The following GALNT18 variants were observed in gnomAD, a reference collection of about 807,000 sequenced individuals.
GALNT18 encodes the protein GalNAc-transferase 18.
Under a neutral mutation model 69.5 loss-of-function variants are expected in GALNT18, and 44 were observed. The observed-to-expected ratio is 0.63, with a 90% CI of 0.50 to 0.81. The LOEUF (loss-of-function observed/expected upper bound fraction) is 0.81, where lower values mean the gene tolerates loss of function less well. GALNT18 is among the 40% of genes least tolerant of loss of function. The probability of loss-of-function intolerance (pLI) is 0.00; values close to 1 mark genes in which losing one functional copy is unlikely to be tolerated. For missense variants in GALNT18, 715 were observed against 810.0 expected, an observed-to-expected ratio of 0.88 and a Z score of 1.42; for synonymous variants, 364 against 318.2, an observed-to-expected ratio of 1.14 and a Z score of -1.53.
At chr11:11,581,862 A>G (rs948854417) in intron 1 of GALNT18, among the ~76,000 whole-genome samples, 19 of 152,178 alleles carry the variant, frequency 1.2e-4, no homozygotes, top group Admixed American at 5.9e-4. Flanking sequence ...TGAGACCCAC[A>G]GGTGACCAGC....
Position 11,523,711 on chromosome 11 carries a change from T to G in GALNT18, c.236-74775A>C, listed in dbSNP as rs1857453524. ...TCCAGCCTGGGCAACAGAGCGAGAC[T>G]CCATCTCAAAAAAAAAAAAAAATAT... On this transcript the variant is annotated intron_variant, in intron 1 of 10. Transcript: ENST00000227756. This position sits in a 1 kb window ranked among gnomAD's most constrained non-coding sequence, Gnocchi z 4.3. Among the ~76,000 whole-genome samples the G allele has an allele frequency of 6.9e-6, 1 of 144,436 alleles. No homozygotes were observed. 94.8% of individuals were successfully genotyped at this position (144,436 alleles called of 152,430 possible).
intron 6 of GALNT18, among the ~76,000 whole-genome samples, chr11:11,366,224 TTTTCTC>T (rs1445997412): frequency 2.0e-5 from 3 of 152,220 alleles, no homozygotes; most frequent in African/African-American, 7.2e-5. Context: ...AATAAATTTC[TTTTCTC>T]TTTAAGTTAG....
At chr11:11,464,364 C>A (rs931387500) in intron 1 of GALNT18, among the ~76,000 whole-genome samples, 22 of 152,346 alleles carry the variant, frequency 1.4e-4, no homozygotes, top group African/African-American at 5.0e-4. Flanking sequence ...AGAGGCCCTG[C>A]AGCCCTGAAG....
intron 1 of GALNT18, chr11:11,570,052 C>T (rs1184740183): frequency 1.3e-5 from 2 of 152,086 alleles, no homozygotes; most frequent in Admixed American, 6.5e-5. Context: ...CAAGCAGAGA[C>T]GTGAGGGAGC....
intron 1 of GALNT18, among the ~76,000 whole-genome samples, chr11:11,610,689 C>A (rs774945842): frequency 6.6e-6 from 1 of 152,180 alleles, no homozygotes; most frequent in Non-Finnish European, 1.5e-5. Flanking sequence ...ATAATTCCCA[C>A]GTTATACCTT....
intron 1 of GALNT18, among the ~76,000 whole-genome samples, chr11:11,506,122 G>A (rs1564983654): frequency 6.6e-6 from 1 of 152,154 alleles, no homozygotes; most frequent in Admixed American, 6.5e-5. Context: ...GAAGCTACCA[G>A]TGAAAATAAA....
Position 11,562,566 on chromosome 11 carries a change from C to A in GALNT18, c.235+58793G>T, listed in dbSNP as rs992713262. Among the ~76,000 whole-genome samples the A allele has an allele frequency of 2.0e-5, 3 of 152,140 alleles. No homozygotes were observed. The highest frequency in any genetic ancestry group is 6.5e-5 in the Admixed American group (1 of 15,278). ...GGCTTCAGGAGTTGTCCTAGCAACA[C>A]CCACCACCATCACCATCAAACCTGC... On this transcript the variant is annotated intron_variant, in intron 1 of 10. Coordinates refer to ENST00000227756, the MANE Select transcript of GALNT18 (RefSeq NM_198516.3). The surrounding 1 kb of genome is among the most constrained non-coding windows in gnomAD (Gnocchi z 4.1).
At chr11:11,599,665 T>G (rs1372105920) in intron 1 of GALNT18, among the ~76,000 whole-genome samples, 2 of 151,486 alleles carry the variant, frequency 1.3e-5, no homozygotes, top group African/African-American at 4.9e-5. Flanking sequence ...TCTCATATAT[T>G]TTTTGTTCCT....
At chr11:11,310,768 C>T (rs1055428662) in intron 9 of GALNT18, among the ~76,000 whole-genome samples, 1 of 152,104 alleles carries the variant, frequency 6.6e-6, no homozygotes, top group Admixed American at 6.5e-5. Flanking sequence ...AGCAACAAAC[C>T]GATTTCAGAA....
In GALNT18 at chr11:11,469,995, T is replaced by C. The variant is rs1328559843; in HGVS notation, c.236-21059A>G. Among the ~76,000 whole-genome samples the C allele has an allele frequency of 6.6e-6, 1 of 152,316 alleles. No individual in the cohort carries two copies. The highest frequency in any genetic ancestry group is 2.1e-4 in the South Asian group (1 of 4,824). ...GTTCTTTGAATGAATTGAAGTCCTGTTTGCTTGCCTTTGTAACTGCTTCCC... is the reference window on the plus strand; with the variant it reads ...GTTCTTTGAATGAATTGAAGTCCTGCTTGCTTGCCTTTGTAACTGCTTCCC... On this transcript the variant is annotated intron_variant, in intron 1 of 10. Transcript: ENST00000227756. The surrounding 1 kb of genome is among the most constrained non-coding windows in gnomAD (Gnocchi z 4.2).
intron 1 of GALNT18, among the ~76,000 whole-genome samples, chr11:11,579,883 G>T (rs1169722149): frequency 6.6e-6 from 1 of 152,150 alleles, no homozygotes. Context: ...ACATTCTGTA[G>T]TCAACCTCTG....
At chr11:11,370,415 G>C (rs1021406473) in intron 6 of GALNT18, among the ~76,000 whole-genome samples, 2 of 152,112 alleles carry the variant, frequency 1.3e-5, no homozygotes, top group African/African-American at 2.4e-5. Context: ...TTTTGCTGAC[G>C]ATCAGTGGTT....
At chr11:11,385,007 T>C in intron 3 of GALNT18, among the ~76,000 whole-genome samples, 1 of 152,248 alleles carries the variant, frequency 6.6e-6, no homozygotes, top group Non-Finnish European at 1.5e-5. Context: ...CTGCAGGCTT[T>C]ATAAGAAGTG....
chr11:11,557,471 G>C (rs937767569), intron 1 of GALNT18, among the ~76,000 whole-genome samples: 1 of 152,158 alleles, frequency 6.6e-6, no homozygotes, highest in Non-Finnish European at 1.5e-5. Context: ...AGAGCTGTCA[G>C]GGAACTCAGC....
At position 11,372,081 on chromosome 11, in the gene GALNT18, C is replaced by CA. The variant is rs941944830; in HGVS notation, c.1092+433dup. Among the ~76,000 whole-genome samples, 1 of 152,150 alleles carries CA rather than the reference C, an allele frequency of 6.6e-6. No homozygotes were observed. The highest frequency in any genetic ancestry group is 1.5e-5 in the Non-Finnish European group (1 of 68,030). ...TTTATTTCTCTGGGCTATCTCTTAA[C>CA]AAAGTCTTTGGGAATGTTCTATGGG... is the stretch of plus-strand genomic sequence containing the variant. On this transcript the variant is annotated intron_variant, in intron 6 of 10. Coordinates refer to ENST00000227756, the MANE Select transcript of GALNT18 (RefSeq NM_198516.3). The surrounding 1 kb of genome is among the most constrained non-coding windows in gnomAD (Gnocchi z 4.9).
At position 11,426,666 on chromosome 11, in the gene GALNT18, T is replaced by C. The variant is rs975366807; in HGVS notation, c.595+5955A>G. ...AGAGAGTAAATGAGTGAGCACAGTA[T>C]GTCAGAAGGCAGTTGGAGATACAGA... On this transcript the variant is annotated intron_variant, in intron 3 of 10. Transcript: ENST00000227756. Among the ~76,000 whole-genome samples, 4 of 152,132 alleles carry C rather than the reference T, an allele frequency of 2.6e-5. No homozygotes were observed. The East Asian group carries it at 7.7e-4, about 29-fold the overall frequency.
intron 9 of GALNT18, among the ~76,000 whole-genome samples, chr11:11,308,683 A>C (rs1028770658): frequency 6.6e-6 from 1 of 152,052 alleles, no homozygotes; most frequent in African/African-American, 2.4e-5. Flanking sequence ...CTTCCACCCT[A>C]GTGTAAAAAA....
chr11:11,416,822 G>A (rs1020101118), intron 3 of GALNT18, among the ~76,000 whole-genome samples: 3 of 152,144 alleles, frequency 2.0e-5, no homozygotes, highest in South Asian at 2.1e-4. Flanking sequence ...GCAGCGTGGC[G>A]AGCCATGGCA....
chr11:11,291,150 T>G (rs1849289523), intron 10 of GALNT18, among the ~76,000 whole-genome samples: 1 of 152,140 alleles, frequency 6.6e-6, no homozygotes, highest in South Asian at 2.1e-4. Flanking sequence ...GATGAAGGCT[T>G]CTGCTAGGCA....
Sources: allele counts gnomAD v4.1 joint callset (sites outside exome capture counted in the v4.1 genomes callset), GRCh38; gene constraint gnomAD v4.1.1; non-coding constraint Gnocchi (gnomAD v3.1); transcripts MANE v1.5; gene names NCBI Gene and HGNC (gene_info 2026-07-23, HGNC 2026-07-21).